Variants in WWP2 observed in about 807,000 individuals in gnomAD.
WWP2 encodes the protein WW domain containing E3 ubiquitin protein ligase 2.
A neutral mutation model predicts 121.0 loss-of-function variants in WWP2; 57 were observed. The observed-to-expected ratio is 0.47, with a 90% CI of 0.38 to 0.59. WWP2 has a LOEUF of 0.59. WWP2 is among the 20% of genes least tolerant of loss of function. The pLI, the probability that WWP2 is intolerant of heterozygous loss-of-function variation, is 0.00. For missense variants in WWP2, 962 were observed against 1,158.9 expected (o/e 0.83, Z 2.47); for synonymous variants, 449 against 441.3 (o/e 1.02, Z -0.22).
chr16:69,850,456 T>G (rs924078728), intron 6 of WWP2, among the ~76,000 whole-genome samples: 1 of 151,300 alleles, frequency 6.6e-6, no homozygotes, highest in Non-Finnish European at 1.5e-5. Flanking sequence ...AGGAGACAGA[T>G]GCATGGATGA....
At position 69,888,102 on chromosome 16, in the gene WWP2, C is replaced by A. The variant is rs766785766; in HGVS notation, c.767C>A (p.Pro256Gln). Residue 256 changes from proline to glutamine, a missense_variant, in exon 8 of 24, where the codon CCA (proline) becomes CAA (glutamine). Coordinates refer to ENST00000359154, the MANE Select transcript of WWP2 (RefSeq NM_001270454.2). ...CCTTCCGTTGTTGGTGTGACGTCCC[C>A]ACCTGCTGCACCCTTGAGTGTGACC... Reference protein sequence around the residue: ...EEPSVVGVTSPPAAPLSVTPN... With the variant: ...EEPSVVGVTSQPAAPLSVTPN... The A allele has an allele frequency of 2.5e-6, 4 of 1,614,258 alleles. No individual in the cohort carries two copies. The highest frequency in any genetic ancestry group is 3.4e-6 in the Non-Finnish European group (4 of 1,180,054).
chr16:69,886,958 A>G (rs1222689842), intron 7 of WWP2, among the ~76,000 whole-genome samples: 1 of 152,238 alleles, frequency 6.6e-6, no homozygotes, highest in African/African-American at 2.4e-5. Flanking sequence ...TTTCTAGTAT[A>G]CATGTACACA....
chr16:69,801,441 G>A (rs1371268734), intron 4 of WWP2, among the ~76,000 whole-genome samples: 1 of 151,952 alleles, frequency 6.6e-6, no homozygotes. Context: ...TCACTATGTT[G>A]CCAGGATGGT....
chr16:69,782,092 G>T (rs1345197857), intron 1 of WWP2, among the ~76,000 whole-genome samples: 4 of 152,136 alleles, frequency 2.6e-5, no homozygotes, highest in African/African-American at 7.2e-5. Flanking sequence ...AGACCAGCTT[G>T]GCCAACATGG....
In WWP2 at chr16:69,919,139, C is replaced by T. The variant is rs4985457; in HGVS notation, c.1179+1256C>T. Among the ~76,000 whole-genome samples the T allele has an allele frequency of 2.8e-3, 38 of 13,692 alleles. No homozygotes were observed. The African/African-American group carries it at 0.033, about 12-fold the overall frequency. The allele number at this position is 13,692 out of a possible 152,430, so 9.0% of individuals were successfully genotyped here. A position where few individuals can be genotyped will look rare whatever the true frequency, so the allele number is the denominator to read the frequency against. On this transcript the variant is annotated intron_variant, in intron 10 of 23. Transcript: ENST00000359154. ...GATTACAAGCATGAGCCACCATCCC[C>T]GACCACATTTAAATTTTCTTTTCTT...
chr16:69,876,169 T>A (rs989971211), intron 7 of WWP2, among the ~76,000 whole-genome samples: 1 of 151,960 alleles, frequency 6.6e-6, no homozygotes, highest in Non-Finnish European at 1.5e-5. Flanking sequence ...TGTGGGCCAG[T>A]CTGGTCTTGA....
intron 6 of WWP2, among the ~76,000 whole-genome samples, chr16:69,866,122 A>G (rs918098391): frequency 2.0e-5 from 3 of 152,120 alleles, no homozygotes; most frequent in African/African-American, 7.2e-5. Flanking sequence ...GAGGGGGTCC[A>G]TTCAGTTGGT....
intron 1 of WWP2, among the ~76,000 whole-genome samples, chr16:69,784,393 C>A (rs1033839150): frequency 6.6e-6 from 1 of 152,136 alleles, no homozygotes; most frequent in African/African-American, 2.4e-5. Flanking sequence ...AGCCACTGTG[C>A]CTGGCCGAAA....
intron 6 of WWP2, among the ~76,000 whole-genome samples, chr16:69,850,849 G>GA (rs2057195423): frequency 6.6e-6 from 1 of 151,534 alleles, no homozygotes; most frequent in African/African-American, 2.4e-5. Context: ...AATCTGCCGT[G>GA]TTTTTTTTAG....
chr16:69,780,582 C>T (rs2151784234), intron 1 of WWP2, among the ~76,000 whole-genome samples: 1 of 152,328 alleles, frequency 6.6e-6, no homozygotes, highest in African/African-American at 2.4e-5. Flanking sequence ...GCTGCCTCCA[C>T]AGGCATGTGA....
At chr16:69,913,127 C>T (rs113470921) in intron 9 of WWP2, among the ~76,000 whole-genome samples, 9 of 145,094 alleles carry the variant, frequency 6.2e-5, no homozygotes, top group Admixed American at 1.4e-4. Flanking sequence ...CAGGTTCAAG[C>T]GATTCTCCTG....
At chr16:69,909,557 G>C (rs929602375) in intron 9 of WWP2, 1 of 985,424 alleles carries the variant, frequency 1.0e-6, no homozygotes, top group Non-Finnish European at 1.2e-6. Context: ...TTTAGCTCCA[G>C]TTTTCCAGTA....
rs2056096077 is a variant in WWP2 at position 69,798,574 on chromosome 16, T to G, written c.71-108T>G. 6.9e-6 allele frequency: 9 copies of G among 1,306,212 alleles called. 1 individual carries two copies. Among genetic ancestry groups the G allele is most frequent in the South Asian group, 3.5e-5 (2 of 57,180 alleles). 80.9% of individuals were successfully genotyped at this position (1,306,212 alleles called of 1,614,324 possible). On this transcript the variant is annotated intron_variant, in intron 2 of 23. Coordinates refer to ENST00000359154, the MANE Select transcript of WWP2 (RefSeq NM_001270454.2). Reference sequence around the variant, plus strand: ...AGAATCAAGACAAAACAAAATGTATTGATTTATTTTTTAAAGCAATAACTA... The same window carrying G: ...AGAATCAAGACAAAACAAAATGTATGGATTTATTTTTTAAAGCAATAACTA...
chr16:69,887,326 T>C (rs897450280), intron 7 of WWP2, among the ~76,000 whole-genome samples: 15 of 152,208 alleles, frequency 9.9e-5, no homozygotes, highest in African/African-American at 3.6e-4. Context: ...GCTAGTCATG[T>C]CTAGCAAACA....
At chr16:69,853,200 T>G (rs2057250511) in intron 6 of WWP2, among the ~76,000 whole-genome samples, 1 of 152,226 alleles carries the variant, frequency 6.6e-6, no homozygotes, top group Non-Finnish European at 1.5e-5. Flanking sequence ...CTAGGTATTT[T>G]GAGCAGAAAA....
At position 69,795,661 on chromosome 16, in the gene WWP2, T is replaced by TTG. The variant is rs1555546615; in HGVS notation, c.71-3020_71-3019insGT. On this transcript the variant is annotated intron_variant, in intron 2 of 23. Coordinates refer to ENST00000359154, the MANE Select transcript of WWP2 (RefSeq NM_001270454.2). ...TTAAAAATAGGAGGTTTTTTTTTTT[T>TTG]TTTTTTTTTTTTTTGTGAGAGTCTC... Among the ~76,000 whole-genome samples the TTG allele has an allele frequency of 9.6e-5, 13 of 135,024 alleles. No homozygotes were observed. The East Asian group carries it at 1.3e-3, about 13-fold the overall frequency. 88.6% of individuals were successfully genotyped at this position (135,024 alleles called of 152,430 possible). A position where few individuals can be genotyped will look rare whatever the true frequency, so the allele number is the denominator to read the frequency against.
intron 1 of WWP2, among the ~76,000 whole-genome samples, chr16:69,780,116 TG>T (rs1434929227): frequency 4.6e-5 from 7 of 152,236 alleles, no homozygotes; most frequent in Non-Finnish European, 7.3e-5. Context: ...AGGGAACTTC[TG>T]TTCTGAACTT....
rs531158133 is a variant in WWP2 at position 69,925,531 on chromosome 16, G to A, written c.1234+47G>A. ...TGGCCCTTGGCCTTCCGTCAGCCAC[G>A]GTGCTCTGTCCTCTCCTCCCGCGTG... On this transcript the variant is annotated intron_variant, in intron 11 of 23. Coordinates refer to ENST00000359154, the MANE Select transcript of WWP2 (RefSeq NM_001270454.2). This position sits in a 1 kb window ranked among gnomAD's most constrained non-coding sequence, Gnocchi z 4.0. 1.3e-4 allele frequency: 210 copies of A among 1,608,976 alleles called. 2 individuals are homozygous for A. In the South Asian group the frequency reaches 2.0e-3, roughly 16 times the overall value.
At chr16:69,889,265 C>T (rs1225402074) in intron 8 of WWP2, among the ~76,000 whole-genome samples, 1 of 152,300 alleles carries the variant, frequency 6.6e-6, no homozygotes, top group Non-Finnish European at 1.5e-5. Flanking sequence ...TTAGAGGCAG[C>T]AGTGAGCTAT....
Sources: allele counts gnomAD v4.1 joint callset (sites outside exome capture counted in the v4.1 genomes callset), GRCh38; gene constraint gnomAD v4.1.1; non-coding constraint Gnocchi (gnomAD v3.1); transcripts MANE v1.5; gene names NCBI Gene and HGNC (gene_info 2026-07-23, HGNC 2026-07-21).